Variants in HMGA2 observed in about 807,000 individuals in gnomAD.
The protein encoded by HMGA2 is high mobility group protein HMGI-C.
HMGA2 carries 8 observed loss-of-function variants against 19.1 expected under a neutral mutation model. That is an observed-to-expected ratio of 0.42 (90% CI 0.25 to 0.76). The LOEUF (loss-of-function observed/expected upper bound fraction) is 0.76. Ranked by LOEUF, HMGA2 falls within the 30% of genes least tolerant of loss-of-function variation. The probability of loss-of-function intolerance (pLI) is 0.28; values close to 1 mark genes in which losing one functional copy is unlikely to be tolerated. For missense variants in HMGA2, 109 were observed against 136.3 expected, an observed-to-expected ratio of 0.80 and a Z score of 1.00; for synonymous variants, 60 against 48.8, an observed-to-expected ratio of 1.23 and a Z score of -0.96.
chr12:65,847,232 AT>A (rs1871268787), intron 3 of HMGA2, among the ~76,000 whole-genome samples: 1 of 152,152 alleles, frequency 6.6e-6, no homozygotes, highest in South Asian at 2.1e-4. Flanking sequence ...AAGTAGTCAA[AT>A]TTCATCTAGT....
intron 3 of HMGA2, chr12:65,914,575 A>T: frequency 4.8e-6 from 1 of 210,232 alleles, no homozygotes; most frequent in Non-Finnish European, 9.7e-6. Context: ...GCGCACCAGC[A>T]CGGCACATGT....
chr12:65,952,301 G>T, intron 4 of HMGA2: 1 of 1,264,682 alleles, frequency 7.9e-7, no homozygotes, highest in South Asian at 1.3e-5. Flanking sequence ...AAGTATCCAT[G>T]AAATTTTTTT....
At chr12:65,916,924 T>G (rs990859575) in intron 3 of HMGA2, among the ~76,000 whole-genome samples, 1 of 152,196 alleles carries the variant, frequency 6.6e-6, no homozygotes, top group Non-Finnish European at 1.5e-5. Context: ...CAGAGGCACC[T>G]TTGGGTGGAG....
At chr12:65,828,369 T>TGG in intron 2 of HMGA2, 1 of 160,492 alleles carries the variant, frequency 6.2e-6, no homozygotes, top group Non-Finnish European at 1.0e-5. Context: ...AAGGAAGGGG[T>TGG]TGCGGGGGGG....
At position 65,952,314 on chromosome 12, in the gene HMGA2, C is replaced by G. The variant is rs976688259; in HGVS notation, c.282+899C>G. On this transcript the variant is annotated intron_variant, in intron 4 of 4. Transcript: ENST00000403681. ...TTAAGTATCCATGAAATTTTTTTCC[C>G]TAGAAGTCTTTACAAATCTACCTTG... The G allele has an allele frequency of 2.1e-6, 3 of 1,451,780 alleles. No individual in the cohort carries two copies. The African/African-American group carries it at 4.2e-5, about 20-fold the overall frequency. 89.9% of individuals were successfully genotyped at this position (1,451,780 alleles called of 1,614,324 possible). A position where few individuals can be genotyped will look rare whatever the true frequency, so the allele number is the denominator to read the frequency against.
chr12:65,890,290 C>T (rs554539939), intron 3 of HMGA2, among the ~76,000 whole-genome samples: 2 of 152,250 alleles, frequency 1.3e-5, no homozygotes, highest in South Asian at 4.1e-4. Flanking sequence ...TCTCTTTGCA[C>T]GTCCAGCCCT....
chr12:65,905,736 A>C (rs1395928529), intron 3 of HMGA2, among the ~76,000 whole-genome samples: 5 of 152,214 alleles, frequency 3.3e-5, no homozygotes, highest in African/African-American at 1.2e-4. Context: ...TATATTCTTA[A>C]ACTAATACAT....
chr12:65,871,488 A>G (rs754956701), intron 3 of HMGA2, among the ~76,000 whole-genome samples: 2 of 152,232 alleles, frequency 1.3e-5, no homozygotes, highest in Non-Finnish European at 2.9e-5. Flanking sequence ...ATTTAAGTTC[A>G]TTAGTAGAAG....
rs1387279828 is a variant in HMGA2, at chr12:65,825,045, C to T, written c.-226C>T. On this transcript the variant is annotated 5_prime_UTR_variant, in exon 1 of 5. Coordinates refer to ENST00000403681, the MANE Select transcript of HMGA2 (RefSeq NM_003483.6). The surrounding 1 kb of genome is among the most constrained non-coding windows in gnomAD (Gnocchi z 4.4). ...GCCGCCACCGGCAGCGCCTCCTCCT[C>T]TCCTCCTCCTCCTCCCCTCTTCTCT... 2 of 428,234 alleles carry T rather than the reference C, an allele frequency of 4.7e-6. No homozygotes were observed. Among genetic ancestry groups the T allele is most frequent in the African/African-American group, 4.2e-5 (2 of 48,126 alleles). The allele number at this position is 428,234 out of a possible 1,614,324, so 26.5% of individuals were successfully genotyped here.
Position 65,902,468 on chromosome 12 carries a change from C to A in HMGA2, c.250-48915C>A, listed in dbSNP as rs536164879. Among the ~76,000 whole-genome samples, 11 of 152,200 alleles carry A rather than the reference C, an allele frequency of 7.2e-5. No individual in the cohort carries two copies. In the South Asian group the frequency reaches 8.3e-4, roughly 11 times the overall value. ...TTCAGGTTTTTCTGACTCAAAAATT[C>A]TCTGTCTTTTCTGAAAAAATGTTTT... On this transcript the variant is annotated intron_variant, in intron 3 of 4. Transcript: ENST00000403681.
At chr12:65,908,769 CACAA>C (rs1874713671) in intron 3 of HMGA2, among the ~76,000 whole-genome samples, 1 of 152,176 alleles carries the variant, frequency 6.6e-6, no homozygotes, top group Admixed American at 6.5e-5. Flanking sequence ...ATAGTCAATT[CACAA>C]ACAGACTTTT....
Position 65,855,460 on chromosome 12 carries a change from A to T in HMGA2, c.249+16891A>T, listed in dbSNP as rs10128862. Among the ~76,000 whole-genome samples, 625 of 129,580 alleles carry T rather than the reference A, an allele frequency of 4.8e-3. 6 individuals carry two copies. The highest frequency in any genetic ancestry group is 0.02 in the African/African-American group (534 of 26,078). 85.0% of individuals were successfully genotyped at this position (129,580 alleles called of 152,430 possible). On this transcript the variant is annotated intron_variant, in intron 3 of 4. Coordinates refer to ENST00000403681, the MANE Select transcript of HMGA2 (RefSeq NM_003483.6). ...CTCTTTCTCTCTCTCTCTCTCTCTC[A>T]CACACACACACACACACACACACAC...
Position 65,839,630 on chromosome 12 carries a change from TTTC to T in HMGA2, c.249+1064_249+1066del, listed in dbSNP as rs1259811840. Among the ~76,000 whole-genome samples, 4 of 152,338 alleles carry T rather than the reference TTTC, an allele frequency of 2.6e-5. No individual in the cohort carries two copies. The East Asian group carries it at 7.7e-4, about 29-fold the overall frequency. Reference sequence around the variant, plus strand: ...CTGCTCAACATGTGTTGGGATTAGATTTCTTAGCATAAGGAAATGGGATGATCT... The same window carrying T: ...CTGCTCAACATGTGTTGGGATTAGATTTAGCATAAGGAAATGGGATGATCT... On this transcript the variant is annotated intron_variant, in intron 3 of 4. Coordinates refer to ENST00000403681, the MANE Select transcript of HMGA2 (RefSeq NM_003483.6).
At chr12:65,952,784 T>A in intron 4 of HMGA2, 1 of 190,790 alleles carries the variant, frequency 5.2e-6, no homozygotes. Flanking sequence ...CACATTTGCA[T>A]CACAGGCTGT....
At chr12:65,927,028 A>G (rs1875529266) in intron 3 of HMGA2, among the ~76,000 whole-genome samples, 1 of 152,172 alleles carries the variant, frequency 6.6e-6, no homozygotes, top group Non-Finnish European at 1.5e-5. Flanking sequence ...AATGGCGTGG[A>G]TGTTACTCTT....
rs141286601 is a variant in HMGA2 at position 65,860,724 on chromosome 12, C to T, written c.249+22155C>T. 1.8e-4 allele frequency among the ~76,000 whole-genome samples: 28 copies of T among 152,238 alleles called. 1 individual carries two copies. The highest frequency in any genetic ancestry group is 6.5e-4 in the African/African-American group (27 of 41,546). ...TTTTTGTTTTTTCAAAAAAGTATGT[C>T]CACAGTATTATGTCATTAATTACTA... On this transcript the variant is annotated intron_variant, in intron 3 of 4. Transcript: ENST00000403681.
intron 3 of HMGA2, among the ~76,000 whole-genome samples, chr12:65,937,973 T>A (rs986078808): frequency 2.0e-5 from 3 of 152,120 alleles, no homozygotes; most frequent in African/African-American, 7.2e-5. Context: ...AAAGTGACCC[T>A]CTCCATGGCC....
intron 2 of HMGA2, among the ~76,000 whole-genome samples, chr12:65,835,638 G>A (rs1870683461): frequency 6.6e-6 from 1 of 152,068 alleles, no homozygotes; most frequent in African/African-American, 2.4e-5. Flanking sequence ...CATCTTATTT[G>A]CAGGGCTTTT....
chr12:65,948,589 G>A (rs977499863), intron 3 of HMGA2: 13 of 152,196 alleles, frequency 8.5e-5, no homozygotes, highest in African/African-American at 1.4e-4. Context: ...AAACTTTCTC[G>A]GCACAGTCTG....
Sources: allele counts gnomAD v4.1 joint callset (sites outside exome capture counted in the v4.1 genomes callset), GRCh38; gene constraint gnomAD v4.1.1; non-coding constraint Gnocchi (gnomAD v3.1); transcripts MANE v1.5; gene names NCBI Gene and HGNC (gene_info 2026-07-23, HGNC 2026-07-21).